The following COL6A6 variants were observed in gnomAD, a reference collection of about 807,000 sequenced individuals.
COL6A6 encodes the protein collagen alpha-6(VI) chain.
A neutral mutation model predicts 208.6 loss-of-function variants in COL6A6; 183 were observed. The observed-to-expected ratio is 0.88, with a 90% CI of 0.78 to 0.99. The LOEUF is 0.99. Ranked by LOEUF, COL6A6 falls within the 50% of genes least tolerant of loss-of-function variation. COL6A6 has a pLI of 0.00. For synonymous variants in COL6A6, 973 were observed against 1,011.8 expected (o/e 0.96, Z 0.73); for missense variants, 2,816 against 2,815.2 (o/e 1.00, Z -0.01).
At chr3:130,595,919 G>A (rs1444528055) in intron 18 of COL6A6, among the ~76,000 whole-genome samples, 4 of 152,102 alleles carry the variant, frequency 2.6e-5, no homozygotes, top group South Asian at 2.1e-4. Context: ...ACTCCCACTA[G>A]CAATGTATGA....
chr3:130,567,950 G>A, intron 5 of COL6A6, 97 bp from the exon 6 acceptor site: 1 of 806,024 alleles, frequency 1.2e-6, no homozygotes, highest in Non-Finnish European at 2.0e-6. Context: ...AAGTACACAT[G>A]TCAATATAAA....
chr3:130,563,173 T>A lies in COL6A6; in HGVS notation c.170T>A (p.Leu57His). The change falls in exon 3 of 37, where the codon CTC (leucine) becomes CAC (histidine). Residue 57 changes from leucine (L) to histidine (H), a missense_variant. Leu to His is a moderately conservative substitution (Grantham distance 99). Coordinates refer to ENST00000358511, the MANE Select transcript of COL6A6 (RefSeq NM_001102608.3). ...KMFITKMISS[L>H]PIEADKYRVA... ...TTCATCACCAAAATGATCAGCAGTC[T>A]CCCCATAGAGGCCGACAAATACCGT... 1 of 1,613,980 alleles carries A rather than the reference T, an allele frequency of 6.2e-7. No homozygotes were observed. The highest frequency in any genetic ancestry group is 8.5e-7 in the Non-Finnish European group (1 of 1,179,894).
At chr3:130,624,380 A>T (rs1351507110) in intron 24 of COL6A6, among the ~76,000 whole-genome samples, 1 of 152,232 alleles carries the variant, frequency 6.6e-6, no homozygotes, top group Non-Finnish European at 1.5e-5. Flanking sequence ...CAAGGCTGAT[A>T]TGATGGAGTC....
At chr3:130,604,248 C>G (rs1402439898) in intron 20 of COL6A6, among the ~76,000 whole-genome samples, 1 of 151,928 alleles carries the variant, frequency 6.6e-6, no homozygotes, top group Admixed American at 6.6e-5. Context: ...AATCCCAGCA[C>G]TTTGGGAGGC....
intron 36 of COL6A6, among the ~76,000 whole-genome samples, chr3:130,668,166 A>G (rs2066122786): frequency 6.6e-6 from 1 of 152,014 alleles, no homozygotes; most frequent in African/African-American, 2.4e-5. Context: ...GATGGATTTG[A>G]TTTTGAAAAC....
At chr3:130,675,132 C>T in intron 36 of COL6A6, 70 bp from the exon 37 acceptor site, 1 of 976,290 alleles carries the variant, frequency 1.0e-6, no homozygotes, top group Non-Finnish European at 1.4e-6. Context: ...TTTACTATGA[C>T]AGATTAATAT....
Position 130,621,880 on chromosome 3 carries a change from T to C in COL6A6, c.4875T>C (p.Asn1625=). 6.2e-7 allele frequency: 1 copy of C among 1,613,282 alleles called. No homozygotes were observed. Among genetic ancestry groups the C allele is most frequent in the Non-Finnish European group, 8.5e-7 (1 of 1,179,344 alleles). The change falls in exon 24 of 37, where the codon AAT becomes AAC. Residue 1625 remains asparagine, a synonymous_variant. Transcript: ENST00000358511. ...AAGGCCGTTTGGGAAGCCAAGGAAA[T>C]AAAGTAGGTCACATTCTTTATACTC... The part of the protein sequence containing the change: ...GNQGRLGSQG[N]KGEPGDLGEK...
Position 130,642,849 on chromosome 3 carries a change from AG to A in COL6A6, c.5174del (p.Gly1725AlafsTer52), listed in dbSNP as rs2065357565. 6.2e-7 allele frequency: 1 copy of A among 1,613,752 alleles called. No homozygotes were observed. The highest frequency in any genetic ancestry group is 1.3e-5 in the African/African-American group (1 of 74,920). On this transcript the variant is annotated frameshift_variant, in exon 30 of 37. Transcript: ENST00000358511. LOFTEE classifies it high-confidence loss of function. Reference protein sequence around the residue: ...PGRKGVKGAKGLASFSTCELI... With the variant: ...PGRKGVKGAKXLASFSTCELI... Reference sequence around the variant, plus strand: ...TTTCCTAGGGTGTGAAAGGAGCCAAAGGCTTGGCTTCATTTTCTGTACGTAT... The same window carrying A: ...TTTCCTAGGGTGTGAAAGGAGCCAAAGCTTGGCTTCATTTTCTGTACGTAT...
chr3:130,644,864 C>A, intron 31 of COL6A6, 127 bp from the exon 32 acceptor site: 1 of 822,846 alleles, frequency 1.2e-6, no homozygotes, highest in Non-Finnish European at 2.1e-6. Flanking sequence ...TTTCTCCAAA[C>A]TCTGTTGCCT....
rs1271186377 is a variant in COL6A6, at chr3:130,675,504, T to G, written c.*107T>G. The G allele has an allele frequency of 2.6e-6, 2 of 764,920 alleles. No homozygotes were observed. The highest frequency in any genetic ancestry group is 1.8e-5 in the African/African-American group (1 of 56,804). 47.4% of individuals were successfully genotyped at this position (764,920 alleles called of 1,614,324 possible). On this transcript the variant is annotated 3_prime_UTR_variant, in exon 37 of 37. Coordinates refer to ENST00000358511, the MANE Select transcript of COL6A6 (RefSeq NM_001102608.3). The stretch of plus-strand genomic sequence containing the variant: ...AAGCAACAGTTTGTAGGTTATCAGG[T>G]GACTTGACCCCCTGCATTCATTGGT...
intron 1 of COL6A6, among the ~76,000 whole-genome samples, chr3:130,553,058 C>T (rs1387498003): frequency 6.6e-6 from 1 of 152,176 alleles, no homozygotes; most frequent in Non-Finnish European, 1.5e-5. Flanking sequence ...TGCCCCTTTT[C>T]ACTAGCTGCC....
intron 2 of COL6A6, among the ~76,000 whole-genome samples, chr3:130,562,143 T>A (rs1559990596): frequency 6.6e-6 from 1 of 152,224 alleles, no homozygotes; most frequent in African/African-American, 2.4e-5. Flanking sequence ...TATGCTAAGG[T>A]AGAGAGAGCT....
intron 34 of COL6A6, 74 bp from the exon 35 acceptor site, chr3:130,661,563 T>C (rs2065931659): frequency 1.6e-6 from 2 of 1,232,260 alleles, no homozygotes; most frequent in East Asian, 2.4e-5. Context: ...AGTTTCCAAA[T>C]GTCAAAATAT....
In COL6A6 at chr3:130,571,406, A is replaced by T; in HGVS notation, c.2977+13A>T. On this transcript the variant is annotated intron_variant, in intron 7 of 36. Coordinates refer to ENST00000358511, the MANE Select transcript of COL6A6 (RefSeq NM_001102608.3). Reference sequence around the variant, plus strand: ...TCTTCAAAAGTAGGTAAGTTTTGCCAACTAAGTTTTTCCTAATTATTAGCA... The same window carrying T: ...TCTTCAAAAGTAGGTAAGTTTTGCCTACTAAGTTTTTCCTAATTATTAGCA... The T allele has an allele frequency of 2.0e-6, 3 of 1,526,604 alleles. No homozygotes were observed. The highest frequency in any genetic ancestry group is 1.8e-6 in the Non-Finnish European group (2 of 1,137,642). 94.6% of individuals were successfully genotyped at this position (1,526,604 alleles called of 1,614,324 possible).
intron 12 of COL6A6, among the ~76,000 whole-genome samples, chr3:130,590,605 C>T (rs1230879503): frequency 1.2e-4 from 18 of 151,548 alleles, no homozygotes; most frequent in Admixed American, 1.1e-3. Flanking sequence ...TCTCGCTCTG[C>T]CGCCCAGGCT....
chr3:130,574,232 A>G lies in COL6A6; in HGVS notation c.3254A>G (p.Glu1085Gly). The G allele has an allele frequency of 6.2e-7, 1 of 1,614,044 alleles. No homozygotes were observed. The highest frequency in any genetic ancestry group is 8.5e-7 in the Non-Finnish European group (1 of 1,179,908). ...GNTHIGAALR[E>G]VEHYFRPDMG... ...ACACACATCGGTGCTGCACTCAGGG[A>G]GGTGGAACATTACTTCAGGCCAGAC... is the stretch of plus-strand genomic sequence containing the variant. Residue 1085 changes from glutamate to glycine, a missense_variant, in exon 8 of 37, where the codon GAG (glutamate) becomes GGG (glycine). Transcript: ENST00000358511.
rs776169253 is a variant in COL6A6, at chr3:130,557,554, A to G, written c.-31-2780A>G. Among the ~76,000 whole-genome samples the G allele has an allele frequency of 1.7e-4, 26 of 152,234 alleles. 1 individual carries two copies. The highest frequency in any genetic ancestry group is 2.6e-4 in the Admixed American group (4 of 15,280). ...ATCTTTAACACTGTGGCAGAGACCC[A>G]ATGTTGTTTCTTACAGTAAAACAGT... is the stretch of plus-strand genomic sequence containing the variant. On this transcript the variant is annotated intron_variant, in intron 1 of 36. Transcript: ENST00000358511.
At chr3:130,529,094 G>T (rs879443263) in intron 1 of COL6A6, among the ~76,000 whole-genome samples, 3 of 152,052 alleles carry the variant, frequency 2.0e-5, no homozygotes, top group Non-Finnish European at 2.9e-5. Flanking sequence ...TGATGCCAAG[G>T]TGCAGCCTGG....
chr3:130,635,817 T>A, intron 28 of COL6A6, 56 bp downstream of exon 28: 1 of 1,254,054 alleles, frequency 8.0e-7, no homozygotes, highest in Non-Finnish European at 1.2e-6. Flanking sequence ...AAGTCCTCCT[T>A]TGTGCATTTA....
Sources: gnomAD v4.1 joint callset for allele counts (sites outside exome capture counted in the v4.1 genomes callset) on GRCh38, gnomAD v4.1.1 for gene constraint, MANE v1.5 for transcripts, NCBI Gene and HGNC (gene_info 2026-07-23, HGNC 2026-07-21) for gene names.